Variants in DAOA observed in about 807,000 individuals in gnomAD.
DAOA encodes D-amino acid oxidase activator.
A neutral mutation model predicts 16.4 loss-of-function variants in DAOA; 15 were observed. That is an observed-to-expected ratio of 0.91 (90% confidence interval 0.61 to 1.41). The LOEUF is 1.41. DAOA is among the 40% of genes most tolerant of loss of function. The pLI is 0.00. For missense variants in DAOA, 230 were observed against 176.8 expected, an observed-to-expected ratio of 1.30 and a Z score of -1.71; for synonymous variants, 75 against 59.1, an observed-to-expected ratio of 1.27 and a Z score of -1.23.
intron 4 of DAOA, among the ~76,000 whole-genome samples, chr13:105,486,369 T>C (rs1247696278): frequency 6.6e-6 from 1 of 152,110 alleles, no homozygotes; most frequent in East Asian, 1.9e-4. Flanking sequence ...TTGGTTAACA[T>C]CTGTATATTC....
chr13:105,470,726 C>T (rs1876871364), intron 3 of DAOA, among the ~76,000 whole-genome samples: 1 of 152,152 alleles, frequency 6.6e-6, no homozygotes. Flanking sequence ...TCTCCTGCCT[C>T]AGCCTCCCAA....
chr13:105,487,490 A>G (rs1160386542), intron 4 of DAOA, among the ~76,000 whole-genome samples: 1 of 152,068 alleles, frequency 6.6e-6, no homozygotes, highest in African/African-American at 2.4e-5. Context: ...CATTTTAGAA[A>G]TCATTTCCTC....
chr13:105,481,751 A>C (rs555998668), intron 4 of DAOA, among the ~76,000 whole-genome samples: 2 of 152,292 alleles, frequency 1.3e-5, no homozygotes, highest in East Asian at 3.9e-4. Flanking sequence ...CCTTCTCATC[A>C]GTATTTAAAT....
chr13:105,467,088 GT>G lies in DAOA; in HGVS notation c.84del (p.Gln29LysfsTer6), dbSNP rs746968240. 6.2e-7 allele frequency: 1 copy of G among 1,611,108 alleles called. No homozygotes were observed. Among genetic ancestry groups the G allele is most frequent in the South Asian group, 1.1e-5 (1 of 90,830 alleles). ...RYTLGKIYFIGFQRSILLSKS... is the reference protein window; with the variant it reads ...RYTLGKIYFIXFQRSILLSKS... The stretch of plus-strand genomic sequence containing the variant: ...ACATTGGGTAAAATCTACTTCATAG[GT>G]TTTCAAAGGAGCATTCTTCTGAGCA... On this transcript the variant is annotated frameshift_variant, in exon 3 of 6. Transcript: ENST00000375936. LOFTEE classifies it high-confidence loss of function.
At chr13:105,482,976 A>G (rs1877857694) in intron 4 of DAOA, among the ~76,000 whole-genome samples, 1 of 152,138 alleles carries the variant, frequency 6.6e-6, no homozygotes. Flanking sequence ...AATGTTTACC[A>G]CAAACCTATT....
intron 4 of DAOA, among the ~76,000 whole-genome samples, chr13:105,488,815 G>T (rs1294650247): frequency 1.3e-5 from 2 of 152,146 alleles, no homozygotes; most frequent in African/African-American, 4.8e-5. Context: ...AGTCCCCAAG[G>T]ATACAATCTT....
At chr13:105,468,139 C>T (rs985971070) in intron 3 of DAOA, among the ~76,000 whole-genome samples, 2 of 152,222 alleles carry the variant, frequency 1.3e-5, no homozygotes, top group South Asian at 4.1e-4. Flanking sequence ...AGCAGGGAGA[C>T]CTTCACTGAT....
Position 105,489,962 on chromosome 13 carries a change from G to A in DAOA, c.343G>A (p.Ala115Thr), listed in dbSNP as rs1878402662. ...CATGGCAAGAAACTATGAGTTCCTT[G>A]CCTATGAGGCCTCTAAGGACCGCAG... ...VFMARNYEFL[A>T]YEASKDRRQP... The change falls in exon 5 of 6, where the codon GCC (alanine) becomes ACC (threonine). Residue 115 changes from alanine (A) to threonine (T), a missense_variant. By Grantham distance (58) the Ala-to-Thr change is moderately conservative (BLOSUM62 0). Coordinates refer to ENST00000375936, the MANE Select transcript of DAOA (RefSeq NM_172370.5). The A allele has an allele frequency of 1.2e-6, 2 of 1,613,692 alleles. No individual in the cohort carries two copies. Among genetic ancestry groups the A allele is most frequent in the East Asian group, 4.5e-5 (2 of 44,846 alleles).
chr13:105,488,467 T>G (rs1361821703), intron 4 of DAOA, among the ~76,000 whole-genome samples: 4 of 152,202 alleles, frequency 2.6e-5, no homozygotes, highest in Non-Finnish European at 5.9e-5. Flanking sequence ...CTGTAACTAT[T>G]TATCTTTTTG....
chr13:105,472,414 C>G (rs978173077), intron 3 of DAOA, 124 bp from the exon 4 acceptor site: 2 of 1,348,138 alleles, frequency 1.5e-6, no homozygotes, highest in Non-Finnish European at 2.0e-6. Flanking sequence ...TAACCAAAAA[C>G]CTCTGAAAAA....
At chr13:105,486,678 G>T (rs1878134133) in intron 4 of DAOA, among the ~76,000 whole-genome samples, 1 of 151,692 alleles carries the variant, frequency 6.6e-6, no homozygotes, top group South Asian at 2.1e-4. Context: ...GAGTGCAATG[G>T]CGCAATCTCG....
intron 3 of DAOA, among the ~76,000 whole-genome samples, chr13:105,468,253 A>G (rs1220614906): frequency 1.3e-5 from 2 of 152,216 alleles, no homozygotes; most frequent in Non-Finnish European, 2.9e-5. Flanking sequence ...CCTTTGTTAC[A>G]CAAGATTCCA....
intron 3 of DAOA, among the ~76,000 whole-genome samples, chr13:105,469,000 A>T (rs1051845197): frequency 7.9e-5 from 12 of 152,232 alleles, no homozygotes; most frequent in Non-Finnish European, 1.8e-4. Context: ...ATTTTTTATC[A>T]AATCAATCTT....
chr13:105,488,201 G>A (rs1878264710), intron 4 of DAOA, among the ~76,000 whole-genome samples: 1 of 152,108 alleles, frequency 6.6e-6, no homozygotes, highest in Admixed American at 6.5e-5. Context: ...CCCCCAACCT[G>A]CCTGCCTTCT....
intron 3 of DAOA, among the ~76,000 whole-genome samples, 171 bp downstream of exon 3, chr13:105,467,312 G>A (rs1380777448): frequency 6.6e-6 from 1 of 152,208 alleles, no homozygotes; most frequent in Non-Finnish European, 1.5e-5. Flanking sequence ...TTGGTTTCTG[G>A]AGTGTTAGCA....
intron 4 of DAOA, among the ~76,000 whole-genome samples, chr13:105,476,797 C>T (rs527439931): frequency 2.7e-5 from 4 of 149,622 alleles, no homozygotes; most frequent in African/African-American, 4.9e-5. Context: ...AGTCTCAGCA[C>T]GATTCCAGTC....
At chr13:105,479,325 A>G (rs1351575472) in intron 4 of DAOA, among the ~76,000 whole-genome samples, 5 of 152,214 alleles carry the variant, frequency 3.3e-5, no homozygotes, top group African/African-American at 1.2e-4. Context: ...TCTGTGATCT[A>G]TATTTCCTGA....
chr13:105,487,541 A>G (rs1057471971), intron 4 of DAOA, among the ~76,000 whole-genome samples: 8 of 151,954 alleles, frequency 5.3e-5, no homozygotes, highest in African/African-American at 1.9e-4. Flanking sequence ...AAATATACCT[A>G]AATGTGTTAA....
intron 4 of DAOA, among the ~76,000 whole-genome samples, chr13:105,482,764 T>A (rs1191248239): frequency 6.6e-6 from 1 of 152,030 alleles, no homozygotes; most frequent in Non-Finnish European, 1.5e-5. Context: ...CTTCTGCTCC[T>A]CAAAGTGCTG....
Sources: gnomAD v4.1 joint callset for allele counts (sites outside exome capture counted in the v4.1 genomes callset) on GRCh38, gnomAD v4.1.1 for gene constraint, MANE v1.5 for transcripts, NCBI Gene and HGNC (gene_info 2026-07-23, HGNC 2026-07-21) for gene names.